The following HDAC7 variants were observed in gnomAD, a reference collection of about 807,000 sequenced individuals.
The protein encoded by HDAC7 is histone deacetylase 7.
A neutral mutation model predicts 115.5 loss-of-function variants in HDAC7; 26 were observed. The observed-to-expected ratio is 0.23, with a 90% CI of 0.16 to 0.31. HDAC7 has a LOEUF of 0.31. Among genes scored for constraint, HDAC7 ranks in the 10% least tolerant of loss-of-function variants. The probability of loss-of-function intolerance (pLI) is 1.00; values close to 1 mark genes in which losing one functional copy is unlikely to be tolerated. For missense variants in HDAC7, 1,068 were observed against 1,329.0 expected (o/e 0.80, Z 3.05); for synonymous variants, 564 against 550.9 (o/e 1.02, Z -0.33).
At chr12:47,790,546 A>G (rs1256886346) in intron 16 of HDAC7, 2 of 155,778 alleles carry the variant, frequency 1.3e-5, no homozygotes, top group Admixed American at 1.2e-4. Context: ...GAAAAACCAG[A>G]AAGTGGCAAG....
In HDAC7 at chr12:47,794,889, G is replaced by A. The variant is rs895344949; in HGVS notation, c.1329C>T (p.Pro443=). Residue 443 remains proline, a synonymous_variant, in exon 12 of 26, where the codon CCC becomes CCT. Transcript: ENST00000080059. The part of the protein sequence containing the change: ...PSEKPRLRQI[P]SAEDLETDGG... ...CATCTGTCTCCAGGTCTTCAGCCGA[G>A]GGTATCTGCCGCAGCCGGGGCTTCT... The A allele has an allele frequency of 6.2e-7, 1 of 1,613,424 alleles. No homozygotes were observed. Among genetic ancestry groups the A allele is most frequent in the Non-Finnish European group, 8.5e-7 (1 of 1,179,972 alleles).
chr12:47,810,518 A>G (rs541436208), intron 1 of HDAC7, among the ~76,000 whole-genome samples: 1 of 152,208 alleles, frequency 6.6e-6, no homozygotes, highest in South Asian at 2.1e-4. Context: ...GCTGTGTTCC[A>G]CCCCTGCCAT....
At chr12:47,792,708 A>G (rs1175820601) in intron 13 of HDAC7, 2 of 455,428 alleles carry the variant, frequency 4.4e-6, no homozygotes, top group Non-Finnish European at 8.8e-6. Context: ...AGATTTATGC[A>G]TAAGGAAATT....
intron 15 of HDAC7, 33 bp downstream of exon 15, chr12:47,791,551 GCT>G: frequency 1.9e-6 from 3 of 1,582,446 alleles, no homozygotes; most frequent in East Asian, 2.3e-5. Context: ...GGTGAGGTAA[GCT>G]GGCATGGGGA....
At chr12:47,802,584 C>T in intron 1 of HDAC7, 1 of 1,029,572 alleles carries the variant, frequency 9.7e-7, no homozygotes, top group Non-Finnish European at 1.4e-6. Context: ...AGCCCTCCCT[C>T]CTGTGGTCAG....
chr12:47,785,712 T>G, intron 23 of HDAC7, 40 bp downstream of exon 23: 1 of 1,581,812 alleles, frequency 6.3e-7, no homozygotes, highest in Non-Finnish European at 8.6e-7. Context: ...CGGGCTTACC[T>G]GCCTGACAGA....
At position 47,787,813 on chromosome 12, in the gene HDAC7, G is replaced by A; in HGVS notation, c.2356-4C>T. On this transcript the variant is annotated splice_polypyrimidine_tract_variant and splice_region_variant and intron_variant, in intron 20 of 25. Transcript: ENST00000080059. ...CCTCACCGCTGCCAGCCCCTACCTG[G>A]AAAACAGGAGGCAAGAGAGACATGA... 3 of 1,610,534 alleles carry A rather than the reference G, an allele frequency of 1.9e-6. No individual in the cohort carries two copies. The highest frequency in any genetic ancestry group is 2.5e-6 in the Non-Finnish European group (3 of 1,178,356).
At chr12:47,790,851 A>G in intron 16 of HDAC7, 1 of 259,622 alleles carries the variant, frequency 3.9e-6, no homozygotes. Flanking sequence ...GTGATGTCAC[A>G]CCAGGCAGCC....
intron 13 of HDAC7, chr12:47,792,462 G>A (rs1048190328): frequency 4.1e-5 from 14 of 341,298 alleles, no homozygotes; most frequent in Admixed American, 2.3e-4. Flanking sequence ...CAAACCGGGA[G>A]CTAAGAAGCC....
intron 1 of HDAC7, among the ~76,000 whole-genome samples, chr12:47,812,316 T>C (rs1944703982): frequency 6.6e-6 from 1 of 152,146 alleles, no homozygotes; most frequent in Admixed American, 6.5e-5. Context: ...TTTGGCCTGG[T>C]TTTTTCTGTG....
At chr12:47,813,923 G>A (rs910844866) in intron 1 of HDAC7, among the ~76,000 whole-genome samples, 3 of 152,372 alleles carry the variant, frequency 2.0e-5, no homozygotes, top group South Asian at 2.1e-4. Context: ...CTTCCTGGGA[G>A]AAGAGGTTGG....
intron 22 of HDAC7, 104 bp from the exon 23 acceptor site, chr12:47,785,989 C>G (rs756468876): frequency 9.6e-6 from 11 of 1,151,026 alleles, no homozygotes; most frequent in Non-Finnish European, 1.3e-5. Context: ...TAAAGAATGA[C>G]TCACATGTAT....
Position 47,796,306 on chromosome 12 carries a change from T to C in HDAC7, c.704-8A>G. 6.3e-7 allele frequency: 1 copy of C among 1,588,704 alleles called. No individual in the cohort carries two copies. Among genetic ancestry groups the C allele is most frequent in the Non-Finnish European group, 8.5e-7 (1 of 1,170,694 alleles). ...TACTACTTGGGGAGGAGTCTGAGGG[T>C]TGGGGAGAGAGGGAAGTGCAGTCAG... On this transcript the variant is annotated splice_region_variant and splice_polypyrimidine_tract_variant and intron_variant, in intron 7 of 25. Transcript: ENST00000080059.
chr12:47,815,835 T>C (rs1250178556), intron 1 of HDAC7, among the ~76,000 whole-genome samples: 1 of 151,392 alleles, frequency 6.6e-6, no homozygotes, highest in East Asian at 1.9e-4. Flanking sequence ...CGTCTCGAAC[T>C]CCTGCCTTCA....
At chr12:47,788,186 G>A (rs533715969) in intron 19 of HDAC7, 22 bp from the exon 20 acceptor site, 10 of 1,585,064 alleles carry the variant, frequency 6.3e-6, no homozygotes, top group African/African-American at 2.7e-5. Flanking sequence ...GACGGGCAGC[G>A]ATTAGGGAAG....
In HDAC7 at chr12:47,802,079, C is replaced by A. The variant is rs1409676914; in HGVS notation, c.70+145G>T. ...CCTCTCTTACCCCGGCTCCTCGCCC[C>A]TCCCTGGAGCCGCCACCTCCTGGCT... On this transcript the variant is annotated intron_variant, in intron 2 of 25. Transcript: ENST00000080059. The A allele has an allele frequency of 4.9e-6, 4 of 811,076 alleles. No individual in the cohort carries two copies. The East Asian group carries it at 1.1e-4, about 22-fold the overall frequency. 50.2% of individuals were successfully genotyped at this position (811,076 alleles called of 1,614,324 possible).
Position 47,789,351 on chromosome 12 carries a change from G to T in HDAC7, c.2148-3C>A. ...CTGAGTTGAAGAAGCAGAAGCCCCT[G>T]GAAGGAGAGACAGGTCCTGCCAGCC... On this transcript the variant is annotated splice_region_variant and splice_polypyrimidine_tract_variant and intron_variant, in intron 18 of 25. Coordinates refer to ENST00000080059, the MANE Select transcript of HDAC7 (RefSeq NM_015401.5). 6.2e-7 allele frequency: 1 copy of T among 1,613,520 alleles called. No individual in the cohort carries two copies. Among genetic ancestry groups the T allele is most frequent in the African/African-American group, 1.3e-5 (1 of 75,044 alleles).
chr12:47,810,321 C>A (rs565817294), intron 1 of HDAC7, among the ~76,000 whole-genome samples: 6 of 152,322 alleles, frequency 3.9e-5, no homozygotes, highest in Middle Eastern at 3.4e-3. Context: ...GCTGAGGTCA[C>A]ACAGATGGTA....
At chr12:47,808,493 C>T (rs1944504756) in intron 1 of HDAC7, among the ~76,000 whole-genome samples, 1 of 152,188 alleles carries the variant, frequency 6.6e-6, no homozygotes, top group Non-Finnish European at 1.5e-5. Flanking sequence ...GGATGAAGAC[C>T]TGGCAGAACC....
Sources: allele counts gnomAD v4.1 joint callset (sites outside exome capture counted in the v4.1 genomes callset), GRCh38; gene constraint gnomAD v4.1.1; transcripts MANE v1.5; gene names NCBI Gene and HGNC (gene_info 2026-07-23, HGNC 2026-07-21).